Variants in ZKSCAN1 observed in about 807,000 individuals in gnomAD.
ZKSCAN1 encodes the protein zinc finger with KRAB and SCAN domains 1.
A neutral mutation model predicts 51.6 loss-of-function variants in ZKSCAN1; 14 were observed. The observed-to-expected ratio is 0.27, with a 90% CI of 0.18 to 0.42. The LOEUF is 0.42. Ranked by LOEUF, ZKSCAN1 falls within the 10% of genes least tolerant of loss-of-function variation. The pLI is 1.00. For missense variants in ZKSCAN1, 531 were observed against 710.0 expected, an observed-to-expected ratio of 0.75 and a Z score of 2.86; for synonymous variants, 263 against 261.5, an observed-to-expected ratio of 1.01 and a Z score of -0.06.
chr7:100,037,975 A>G lies in ZKSCAN1; in HGVS notation c.*3778A>G, dbSNP rs1241871480. On this transcript the variant is annotated 3_prime_UTR_variant, in exon 6 of 6. Coordinates refer to ENST00000324306, the MANE Select transcript of ZKSCAN1 (RefSeq NM_003439.4). ...GCGGAGGTTGCAGTGAGCTAAGATC[A>G]TGCCACTGGCACTCCAGCCTTGAGT... 6 of 968,146 alleles carry G rather than the reference A, an allele frequency of 6.2e-6. No homozygotes were observed. Among genetic ancestry groups the G allele is most frequent in the African/African-American group, 1.8e-5 (1 of 56,826 alleles). 60.0% of individuals were successfully genotyped at this position (968,146 alleles called of 1,614,324 possible).
chr7:100,044,561 G>T (rs1363500795), downstream of ZKSCAN1, among the ~76,000 whole-genome samples: 8 of 151,652 alleles, frequency 5.3e-5, no homozygotes, highest in Admixed American at 5.3e-4. Context: ...GGTGCCTGTA[G>T]TCCCAGCTGC....
intron 1 of ZKSCAN1, among the ~76,000 whole-genome samples, chr7:100,022,494 T>TCA (rs1463798067): frequency 6.6e-6 from 1 of 152,228 alleles, no homozygotes; most frequent in Non-Finnish European, 1.5e-5. Flanking sequence ...TAGCTTAATT[T>TCA]CTCTCTCTTT....
At position 100,039,411 on chromosome 7, in the gene ZKSCAN1, A is replaced by G. The variant is rs1791502093; in HGVS notation, c.*5214A>G. Reference sequence around the variant, plus strand: ...GTGTGCAGATGCATCCAGTCGTGGCATTGCAAGAAGTCTGTCTGATGAAGC... The same window carrying G: ...GTGTGCAGATGCATCCAGTCGTGGCGTTGCAAGAAGTCTGTCTGATGAAGC... On this transcript the variant is annotated 3_prime_UTR_variant, in exon 6 of 6. Coordinates refer to ENST00000324306, the MANE Select transcript of ZKSCAN1 (RefSeq NM_003439.4). The G allele has an allele frequency of 4.1e-6, 4 of 985,302 alleles. No homozygotes were observed. Among genetic ancestry groups the G allele is most frequent in the African/African-American group, 3.5e-5 (2 of 57,228 alleles). 61.0% of individuals were successfully genotyped at this position (985,302 alleles called of 1,614,324 possible).
chr7:100,027,639 TCAGGAGGCTGAGG>T (rs1790898202), intron 3 of ZKSCAN1, among the ~76,000 whole-genome samples: 1 of 150,080 alleles, frequency 6.7e-6, no homozygotes, highest in Non-Finnish European at 1.5e-5. Flanking sequence ...TCCCAGCTAC[TCAGGAGGCTGAGG>T]CAGGAGAATG....
Position 100,033,413 on chromosome 7 carries a change from A to G in ZKSCAN1, c.908A>G (p.Glu303Gly), listed in dbSNP as rs1164173307. Residue 303 changes from glutamate to glycine, a missense_variant, in exon 6 of 6, where the codon GAG becomes GGG. By Grantham distance (98) the Glu-to-Gly change is moderately conservative. Coordinates refer to ENST00000324306, the MANE Select transcript of ZKSCAN1 (RefSeq NM_003439.4). This position sits in a 1 kb window ranked among gnomAD's most constrained non-coding sequence, Gnocchi z 4.1. ...GGAAGATCCCAGAAAGAGTTTGGAG[A>G]GAAACGTGACCAGGAGGGCAAAACA... is the stretch of plus-strand genomic sequence containing the variant. ...TTGRSQKEFGEKRDQEGKTGE... is the reference protein window; with the variant it reads ...TTGRSQKEFGGKRDQEGKTGE... 8 of 1,614,162 alleles carry G rather than the reference A, an allele frequency of 5.0e-6. No individual in the cohort carries two copies. Among genetic ancestry groups the G allele is most frequent in the Non-Finnish European group, 6.8e-6 (8 of 1,180,042 alleles).
In ZKSCAN1 at chr7:100,030,297, T is replaced by C. The variant is rs1461952519; in HGVS notation, c.721T>C (p.Trp241Arg). 6.2e-7 allele frequency: 1 copy of C among 1,613,964 alleles called. No homozygotes were observed. The highest frequency in any genetic ancestry group is 8.5e-7 in the Non-Finnish European group (1 of 1,180,008). ...GGCTGTGTCCCTCATTCTGGAGGAA[T>C]GGGGATGTCAGAATCTGGCTCGGAG... ...DMAVSLILEE[W>R]GCQNLARRNL... The change falls in exon 5 of 6, where the codon TGG becomes CGG. Residue 241 changes from tryptophan (W) to arginine (R), a missense_variant. Physicochemically the swap from Trp to Arg is moderately radical, Grantham distance 101. Transcript: ENST00000324306.
Position 100,034,681 on chromosome 7 carries a change from T to C in ZKSCAN1, c.*484T>C. The C allele has an allele frequency of 2.2e-6, 1 of 456,984 alleles. No homozygotes were observed. The highest frequency in any genetic ancestry group is 2.9e-6 in the Non-Finnish European group (1 of 345,302). 28.3% of individuals were successfully genotyped at this position (456,984 alleles called of 1,614,324 possible). Reference sequence around the variant, plus strand: ...CAAAAACGACATTGGGACATGCTGCTCAAGGTAGTTATATATACGATAAGT... The same window carrying C: ...CAAAAACGACATTGGGACATGCTGCCCAAGGTAGTTATATATACGATAAGT... On this transcript the variant is annotated 3_prime_UTR_variant, in exon 6 of 6. Transcript: ENST00000324306.
chr7:100,020,269 A>C (rs1266114690), intron 1 of ZKSCAN1, among the ~76,000 whole-genome samples: 1 of 152,202 alleles, frequency 6.6e-6, no homozygotes, highest in Non-Finnish European at 1.5e-5. Flanking sequence ...AAAGGATGGC[A>C]GTCAAAATAC....
intron 1 of ZKSCAN1, among the ~76,000 whole-genome samples, chr7:100,019,923 G>A (rs779283882): frequency 7.2e-5 from 11 of 152,042 alleles, no homozygotes; most frequent in Non-Finnish European, 1.6e-4. Flanking sequence ...GGCTGGTCTC[G>A]AACTCCTGAC....
chr7:100,040,767 G>A lies in ZKSCAN1; in HGVS notation c.*6570G>A, dbSNP rs949969848. ...GGTGTGCTGGGGTTGGTACCCGAGCGCCTTCCCCTCACCTCAACCAGAGAA... is the reference window on the plus strand; with the variant it reads ...GGTGTGCTGGGGTTGGTACCCGAGCACCTTCCCCTCACCTCAACCAGAGAA... On this transcript the variant is annotated 3_prime_UTR_variant, in exon 6 of 6. Transcript: ENST00000324306. 45 of 985,336 alleles carry A rather than the reference G, an allele frequency of 4.6e-5. No individual in the cohort carries two copies. In the African/African-American group the frequency reaches 6.3e-4, roughly 14 times the overall value. The allele number at this position is 985,336 out of a possible 1,614,324, so 61.0% of individuals were successfully genotyped here.
chr7:100,041,159 T>C lies in ZKSCAN1; in HGVS notation c.*6962T>C. 1 of 733,960 alleles carries C rather than the reference T, an allele frequency of 1.4e-6. No individual in the cohort carries two copies. The highest frequency in any genetic ancestry group is 1.7e-6 in the Non-Finnish European group (1 of 600,592). 45.5% of individuals were successfully genotyped at this position (733,960 alleles called of 1,614,324 possible). A position where few individuals can be genotyped will look rare whatever the true frequency, so the allele number is the denominator to read the frequency against. On this transcript the variant is annotated 3_prime_UTR_variant, in exon 6 of 6. Transcript: ENST00000324306. ...ACTGGATTAAAAACAACCTGTCCTG[T>C]TTTGTCAGTTCCCAGCTTCTTCGTT...
chr7:100,024,405 G>A lies in ZKSCAN1; in HGVS notation c.580+98G>A, dbSNP rs1459448826. ...TGATGAAGAAGCATGTTAGTCCTGG[G>A]CAACGTAGCGAGACCCCATCTCTAC... On this transcript the variant is annotated intron_variant, in intron 3 of 5. Transcript: ENST00000324306. 3.5e-6 allele frequency: 5 copies of A among 1,436,872 alleles called. No homozygotes were observed. In the Admixed American group the frequency reaches 6.8e-5, roughly 20 times the overall value. The allele number at this position is 1,436,872 out of a possible 1,614,324, so 89.0% of individuals were successfully genotyped here. A position where few individuals can be genotyped will look rare whatever the true frequency, so the allele number is the denominator to read the frequency against.
chr7:100,033,549 G>A lies in ZKSCAN1; in HGVS notation c.1044G>A (p.Arg348=). 2 of 1,614,138 alleles carry A rather than the reference G, an allele frequency of 1.2e-6. No individual in the cohort carries two copies. Among genetic ancestry groups the A allele is most frequent in the Non-Finnish European group, 1.7e-6 (2 of 1,180,034 alleles). ...CCATCACAGGAGAGAGAGGTCCAAG[G>A]GAGAAGGGGAAAGGATTGGGAAGAA... is the stretch of plus-strand genomic sequence containing the variant. ...KKTITGERGP[R]EKGKGLGRSF... is the part of the protein sequence containing the mutation. The change falls in exon 6 of 6, where the codon AGG becomes AGA. Residue 348 remains arginine (R), a synonymous_variant. Coordinates refer to ENST00000324306, the MANE Select transcript of ZKSCAN1 (RefSeq NM_003439.4). The surrounding 1 kb of genome is among the most constrained non-coding windows in gnomAD (Gnocchi z 4.1).
At chr7:100,029,257 T>G (rs1055326471) in intron 3 of ZKSCAN1, among the ~76,000 whole-genome samples, 1 of 152,108 alleles carries the variant, frequency 6.6e-6, no homozygotes, top group Non-Finnish European at 1.5e-5. Context: ...AAGTGTTTTT[T>G]TTGTTGTTGT....
chr7:100,040,565 T>C lies in ZKSCAN1; in HGVS notation c.*6368T>C. On this transcript the variant is annotated 3_prime_UTR_variant, in exon 6 of 6. Transcript: ENST00000324306. ...GTCAGGTTTGGGTTTTAAGTTCCTT[T>C]GGTCCAGGGAAGGGTCCAAGCAGCC... 1.0e-6 allele frequency: 1 copy of C among 985,448 alleles called. No homozygotes were observed. The highest frequency in any genetic ancestry group is 1.2e-6 in the Non-Finnish European group (1 of 829,938). 61.0% of individuals were successfully genotyped at this position (985,448 alleles called of 1,614,324 possible). A position where few individuals can be genotyped will look rare whatever the true frequency, so the allele number is the denominator to read the frequency against.
Position 100,041,223 on chromosome 7 carries a change from C to A in ZKSCAN1, c.*7026C>A. 1.2e-6 allele frequency: 1 copy of A among 804,154 alleles called. No homozygotes were observed. Among genetic ancestry groups the A allele is most frequent in the Non-Finnish European group, 1.5e-6 (1 of 664,616 alleles). The allele number at this position is 804,154 out of a possible 1,614,324, so 49.8% of individuals were successfully genotyped here. ...ACCAAAAGAAGAAACGTGCTTGTCT[C>A]TGTATACCCGCAGAATGAAGTTACT... On this transcript the variant is annotated 3_prime_UTR_variant, in exon 6 of 6. Coordinates refer to ENST00000324306, the MANE Select transcript of ZKSCAN1 (RefSeq NM_003439.4).
Position 100,038,221 on chromosome 7 carries a change from G to T in ZKSCAN1, c.*4024G>T. 1.0e-6 allele frequency: 1 copy of T among 985,268 alleles called. No individual in the cohort carries two copies. Among genetic ancestry groups the T allele is most frequent in the East Asian group, 1.1e-4 (1 of 8,814 alleles). The allele number at this position is 985,268 out of a possible 1,614,324, so 61.0% of individuals were successfully genotyped here. ...ACCTTCAGTCCCTTGTTATTGTTCCGTATATTACCTGTAAGCAGATACTGT... is the reference window on the plus strand; with the variant it reads ...ACCTTCAGTCCCTTGTTATTGTTCCTTATATTACCTGTAAGCAGATACTGT... On this transcript the variant is annotated 3_prime_UTR_variant, in exon 6 of 6. Coordinates refer to ENST00000324306, the MANE Select transcript of ZKSCAN1 (RefSeq NM_003439.4).
At chr7:100,043,254 T>TG (rs980997848), downstream of ZKSCAN1, among the ~76,000 whole-genome samples, 28 of 151,582 alleles carry the variant, frequency 1.8e-4, no homozygotes, top group African/African-American at 5.8e-4. Flanking sequence ...TTTATAGAGA[T>TG]GGGGGTCCCC....
At chr7:100,041,713 GTTC>G, downstream of ZKSCAN1, 1 of 985,156 alleles carries the variant, frequency 1.0e-6, no homozygotes, top group Non-Finnish European at 1.2e-6. Flanking sequence ...TTTGTTTTTT[GTTC>G]TTTGTTTTTC....
Sources: allele counts gnomAD v4.1 joint callset (sites outside exome capture counted in the v4.1 genomes callset), GRCh38; gene constraint gnomAD v4.1.1; non-coding constraint Gnocchi (gnomAD v3.1); transcripts MANE v1.5; gene names NCBI Gene and HGNC (gene_info 2026-07-23, HGNC 2026-07-21).